Variants in CTSS observed in about 807,000 individuals in gnomAD.
The protein encoded by CTSS is cathepsin S.
A neutral mutation model predicts 39.9 loss-of-function variants in CTSS; 15 were observed. The observed-to-expected ratio is 0.38, with a 90% confidence interval of 0.25 to 0.58. The LOEUF (loss-of-function observed/expected upper bound fraction) is 0.58. CTSS is among the 20% of genes least tolerant of loss of function. CTSS has a pLI of 0.70. For synonymous variants in CTSS, 126 were observed against 138.2 expected (o/e 0.91, Z 0.62); for missense variants, 250 against 398.2 (o/e 0.63, Z 3.17).
At chr1:150,756,039 T>C (rs1653119099) in intron 3 of CTSS, among the ~76,000 whole-genome samples, 1 of 152,220 alleles carries the variant, frequency 6.6e-6, no homozygotes, top group African/African-American at 2.4e-5. Flanking sequence ...ATTGTACAGC[T>C]GTACGAAAAT....
rs766958160 is a variant in CTSS at position 150,757,989 on chromosome 1, TA to T, written c.127-10del. 4 of 1,612,478 alleles carry T rather than the reference TA, an allele frequency of 2.5e-6. No homozygotes were observed. The South Asian group carries it at 4.4e-5, about 18-fold the overall frequency. ...CGTACTGCTTCTTCATTCTAAAACA[TA>T]ATGAAGAAGAACATAGTCATACTGC... On this transcript the variant is annotated splice_polypyrimidine_tract_variant and intron_variant, in intron 2 of 7. Coordinates refer to ENST00000368985, the MANE Select transcript of CTSS (RefSeq NM_004079.5).
chr1:150,759,045 T>C (rs1280512722), intron 2 of CTSS, among the ~76,000 whole-genome samples: 2 of 149,838 alleles, frequency 1.3e-5, no homozygotes, highest in Non-Finnish European at 3.0e-5. Context: ...ATTATTTTTT[T>C]TTTTTGTAGA....
intron 7 of CTSS, among the ~76,000 whole-genome samples, chr1:150,745,738 G>A (rs1052186101): frequency 1.1e-4 from 16 of 152,106 alleles, no homozygotes; most frequent in Admixed American, 1.0e-3. Context: ...AATGAAGGCA[G>A]AGGTCAGGGT....
rs1191876581 is a variant in CTSS at position 150,757,897 on chromosome 1, C to T, written c.210G>A (p.Met70Ile). ...MLHNLEHSMG[M>I]HSYDLGMNHL... ...GGTTCATGCCCAGATCGTATGAGTG[C>T]ATTCCCATTGAATGCTCCAGGTTGT... Residue 70 changes from methionine (M) to isoleucine (I), a missense_variant, in exon 3 of 8, where the codon ATG becomes ATA. Transcript: ENST00000368985. The T allele has an allele frequency of 1.9e-6, 3 of 1,613,980 alleles. No individual in the cohort carries two copies. The highest frequency in any genetic ancestry group is 2.5e-6 in the Non-Finnish European group (3 of 1,179,908).
chr1:150,734,517 T>G (rs1320153231), intron 7 of CTSS, among the ~76,000 whole-genome samples: 2 of 152,016 alleles, frequency 1.3e-5, no homozygotes, highest in Non-Finnish European at 2.9e-5. Context: ...AGCATGAGCC[T>G]GTAGTCCCAG....
chr1:150,741,784 A>G (rs1276379748), intron 7 of CTSS, among the ~76,000 whole-genome samples: 1 of 151,506 alleles, frequency 6.6e-6, no homozygotes, highest in African/African-American at 2.4e-5. Context: ...CTGAGGCAGG[A>G]GAATCACTTG....
At chr1:150,755,506 G>A (rs751552448) in intron 3 of CTSS, among the ~76,000 whole-genome samples, 12 of 152,166 alleles carry the variant, frequency 7.9e-5, no homozygotes, top group South Asian at 2.1e-4. Context: ...TTGGGAGGCC[G>A]AGCCGGGCAA....
chr1:150,754,557 A>G (rs1471338888), intron 4 of CTSS, among the ~76,000 whole-genome samples: 1 of 151,666 alleles, frequency 6.6e-6, no homozygotes, highest in African/African-American at 2.4e-5. Flanking sequence ...TCTCCTGAGT[A>G]ACTGGGATTA....
chr1:150,736,897 T>C (rs1652646416), intron 7 of CTSS, among the ~76,000 whole-genome samples: 1 of 152,256 alleles, frequency 6.6e-6, no homozygotes, highest in Non-Finnish European at 1.5e-5. Flanking sequence ...ATTAATTCTA[T>C]AGCTCTTTCA....
At chr1:150,743,527 A>T (rs1468884790) in intron 7 of CTSS, among the ~76,000 whole-genome samples, 1 of 139,682 alleles carries the variant, frequency 7.2e-6, no homozygotes, top group African/African-American at 2.6e-5. Flanking sequence ...ATATTTATAA[A>T]TATATTTATA....
At position 150,751,844 on chromosome 1, in the gene CTSS, A is replaced by G; in HGVS notation, c.564T>C (p.Ala188=). 6.2e-7 allele frequency: 1 copy of G among 1,614,186 alleles called. No individual in the cohort carries two copies. Among genetic ancestry groups the G allele is most frequent in the Non-Finnish European group, 8.5e-7 (1 of 1,180,034 alleles). Residue 188 remains alanine (A), a synonymous_variant, in exon 5 of 8, where the codon GCT becomes GCC. Transcript: ENST00000368985. ...CCTTGTTATCAATGATGTACTGGAA[A>G]GCCGTTGTCATGAAGCCACCATTGC... is the stretch of plus-strand genomic sequence containing the variant. ...KGCNGGFMTT[A]FQYIIDNKGI...
Position 150,740,591 on chromosome 1 carries a change from A to G in CTSS, c.896+7186T>C, listed in dbSNP as rs374874977. ...GTATTTTTAGTAGAGACAGGGTTTC[A>G]CCGTGTTAGCCAGGATGGTCTTGAT... On this transcript the variant is annotated intron_variant, in intron 7 of 7. Transcript: ENST00000368985. Among the ~76,000 whole-genome samples the G allele has an allele frequency of 4.6e-5, 7 of 152,148 alleles. No individual in the cohort carries two copies. In the East Asian group the frequency reaches 1.2e-3, roughly 25 times the overall value.
chr1:150,763,679 CA>C (rs1653308564), intron 2 of CTSS, among the ~76,000 whole-genome samples: 1 of 152,058 alleles, frequency 6.6e-6, no homozygotes, highest in Non-Finnish European at 1.5e-5. Flanking sequence ...TGCTAGCTTA[CA>C]AACAGAAATA....
intron 2 of CTSS, among the ~76,000 whole-genome samples, chr1:150,762,692 T>G (rs2101928282): frequency 6.6e-6 from 1 of 152,218 alleles, no homozygotes; most frequent in African/African-American, 2.4e-5. Flanking sequence ...TCACCAGTCA[T>G]CAGGGAAATG....
intron 4 of CTSS, among the ~76,000 whole-genome samples, chr1:150,753,895 C>T (rs992307482): frequency 5.3e-5 from 8 of 151,732 alleles, no homozygotes; most frequent in South Asian, 4.2e-4. Flanking sequence ...GAGCCCAGAT[C>T]GCACCACTGC....
chr1:150,737,732 A>G (rs987667877), intron 7 of CTSS, among the ~76,000 whole-genome samples: 19 of 152,192 alleles, frequency 1.2e-4, no homozygotes, highest in African/African-American at 4.6e-4. Flanking sequence ...AACATATGAT[A>G]AACGAAGAAA....
rs879874348 is a variant in CTSS, at chr1:150,732,250, T to C, written c.*796A>G. 1 of 152,184 alleles carries C rather than the reference T, an allele frequency of 6.6e-6. No individual in the cohort carries two copies. The highest frequency in any genetic ancestry group is 6.5e-5 in the Admixed American group (1 of 15,276). 9.4% of individuals were successfully genotyped at this position (152,184 alleles called of 1,614,324 possible). Reference sequence around the variant, plus strand: ...CTGTACAAAGATACAATCTGAGTCCTTAGGACATTTATAGCCTAATATTTT... The same window carrying C: ...CTGTACAAAGATACAATCTGAGTCCCTAGGACATTTATAGCCTAATATTTT... On this transcript the variant is annotated 3_prime_UTR_variant, in exon 8 of 8. Transcript: ENST00000368985.
At position 150,751,823 on chromosome 1, in the gene CTSS, G is replaced by A. The variant is rs1176003297; in HGVS notation, c.585C>T (p.Asn195=). ...MTTAFQYIID[N]KGIDSDASYP... ...AGGAAGCGTCTGAGTCGATGCCCTT[G>A]TTATCAATGATGTACTGGAAAGCCG... is the stretch of plus-strand genomic sequence containing the variant. The change falls in exon 5 of 8, where the codon AAC becomes AAT. Residue 195 remains asparagine, a synonymous_variant. Coordinates refer to ENST00000368985, the MANE Select transcript of CTSS (RefSeq NM_004079.5). 1.2e-6 allele frequency: 2 copies of A among 1,614,156 alleles called. No individual in the cohort carries two copies. Among genetic ancestry groups the A allele is most frequent in the Non-Finnish European group, 1.7e-6 (2 of 1,180,034 alleles).
intron 6 of CTSS, among the ~76,000 whole-genome samples, chr1:150,748,766 A>T (rs1325047962): frequency 6.6e-6 from 1 of 152,092 alleles, no homozygotes; most frequent in East Asian, 1.9e-4. Flanking sequence ...ATTTTTTACA[A>T]ATTGAAGGTT....
Sources: allele counts gnomAD v4.1 joint callset (sites outside exome capture counted in the v4.1 genomes callset), GRCh38; gene constraint gnomAD v4.1.1; transcripts MANE v1.5; gene names NCBI Gene and HGNC (gene_info 2026-07-23, HGNC 2026-07-21).